TP63: variants seen among roughly 807,000 people sequenced by gnomAD.
TP63 encodes tumor protein p63.
In TP63, 17 loss-of-function variants were observed where a neutral mutation model predicts 82.8. The observed-to-expected ratio is 0.21, with a 90% confidence interval of 0.14 to 0.31. The LOEUF is 0.31. Among genes scored for constraint, TP63 ranks in the 10% least tolerant of loss-of-function variants. The pLI, the probability that TP63 is intolerant of heterozygous loss-of-function variation, is 1.00. For synonymous variants in TP63, 330 were observed against 321.7 expected (o/e 1.03, Z -0.28); for missense variants, 648 against 895.3 (o/e 0.72, Z 3.52).
At chr3:189,768,575 T>C (rs74754828) in intron 3 of TP63, among the ~76,000 whole-genome samples, 4,746 of 152,272 alleles carry the variant, frequency 0.031, 156 homozygotes, top group Non-Finnish European at 0.055. Flanking sequence ...GTCAACACAC[T>C]ATTATTAAAC....
the TP63 span, among the ~76,000 whole-genome samples, chr3:189,615,175 T>C: frequency 2.6e-5 from 4 of 152,346 alleles, no homozygotes; most frequent in East Asian, 1.9e-4. Flanking sequence ...TAACCTGGCT[T>C]CTGAATATGT....
intron 13 of TP63, among the ~76,000 whole-genome samples, chr3:189,893,079 A>C (rs747288410): frequency 6.6e-6 from 1 of 152,236 alleles, no homozygotes; most frequent in Non-Finnish European, 1.5e-5. Flanking sequence ...ACTTCCTGGA[A>C]AAGGAATGTG....
the TP63 span, among the ~76,000 whole-genome samples, chr3:189,598,401 T>A: frequency 1.3e-5 from 2 of 148,730 alleles, no homozygotes; most frequent in East Asian, 2.0e-4. Context: ...AGAAAGAGAG[T>A]GAAAGATAAA....
intron 3 of TP63, chr3:189,738,985 C>T (rs1180372028): frequency 6.2e-6 from 4 of 646,170 alleles, no homozygotes; most frequent in African/African-American, 5.5e-5. Context: ...TGTTTCCATC[C>T]GTGTGGGGAG....
chr3:189,772,966 C>T (rs994156143), intron 3 of TP63, among the ~76,000 whole-genome samples: 4 of 152,170 alleles, frequency 2.6e-5, no homozygotes, highest in Admixed American at 1.3e-4. Context: ...ATCAAGGTCC[C>T]TTAGTGTAAG....
chr3:189,679,884 A>C (rs1468048309), intron 1 of TP63, among the ~76,000 whole-genome samples: 1 of 152,050 alleles, frequency 6.6e-6, no homozygotes, highest in Non-Finnish European at 1.5e-5. Flanking sequence ...TCTGTTCCCT[A>C]TTGTATGTTC....
chr3:189,742,335 G>A (rs917739368), intron 3 of TP63, among the ~76,000 whole-genome samples: 6 of 150,024 alleles, frequency 4.0e-5, no homozygotes, highest in African/African-American at 9.8e-5. Flanking sequence ...ATGTCTTCAT[G>A]AGGTAGATAA....
chr3:189,691,625 C>T (rs1322046651), intron 1 of TP63, among the ~76,000 whole-genome samples: 1 of 152,064 alleles, frequency 6.6e-6, no homozygotes, highest in Non-Finnish European at 1.5e-5. Context: ...GGTTAAGAAA[C>T]GCTGCTTTAA....
intron 4 of TP63, among the ~76,000 whole-genome samples, chr3:189,844,869 A>G (rs1280584468): frequency 6.6e-6 from 1 of 152,070 alleles, no homozygotes; most frequent in Non-Finnish European, 1.5e-5. Flanking sequence ...ATTTTCATGT[A>G]TCTCATTTCT....
chr3:189,880,965 GAACTCATTTT>G, intron 10 of TP63: 4 of 985,286 alleles, frequency 4.1e-6, no homozygotes, highest in Non-Finnish European at 4.8e-6. Flanking sequence ...CATAGCAGGT[GAACTCATTTT>G]GTGCTTTTAA....
intron 4 of TP63, among the ~76,000 whole-genome samples, chr3:189,854,279 G>A (rs970917071): frequency 2.4e-4 from 36 of 152,162 alleles, no homozygotes; most frequent in African/African-American, 7.0e-4. Context: ...TGTCCAGGCC[G>A]GAGTGCAATG....
chr3:189,653,870 C>G (rs1490061059), intron 1 of TP63, among the ~76,000 whole-genome samples: 2 of 152,108 alleles, frequency 1.3e-5, no homozygotes, highest in African/African-American at 4.8e-5. Flanking sequence ...TAAATCTAAA[C>G]AGATTTCTTA....
At chr3:189,763,196 C>T (rs1722707125) in intron 3 of TP63, among the ~76,000 whole-genome samples, 1 of 152,060 alleles carries the variant, frequency 6.6e-6, no homozygotes, top group Non-Finnish European at 1.5e-5. Context: ...GTTGCTTGAG[C>T]CTGGGAGGTC....
the TP63 span, among the ~76,000 whole-genome samples, chr3:189,613,351 C>A: frequency 6.6e-6 from 1 of 152,196 alleles, no homozygotes; most frequent in South Asian, 2.1e-4. Flanking sequence ...AAGCCCCAAG[C>A]CTTGGCAGCT....
the TP63 span, among the ~76,000 whole-genome samples, chr3:189,602,627 G>A: frequency 1.3e-5 from 2 of 152,260 alleles, no homozygotes; most frequent in South Asian, 2.1e-4. Context: ...GCAGCCAGTC[G>A]TGCATCCGAG....
chr3:189,758,581 G>A (rs1185017651), intron 3 of TP63, among the ~76,000 whole-genome samples: 1 of 152,202 alleles, frequency 6.6e-6, no homozygotes, highest in Admixed American at 6.5e-5. Flanking sequence ...TCTTCCAAGT[G>A]TACTTTACTT....
At chr3:189,660,490 G>C (rs1303394697) in intron 1 of TP63, among the ~76,000 whole-genome samples, 1 of 151,972 alleles carries the variant, frequency 6.6e-6, no homozygotes, top group African/African-American at 2.4e-5. Context: ...TTAAAGTTGG[G>C]TAATGTGATG....
intron 4 of TP63, among the ~76,000 whole-genome samples, chr3:189,830,951 A>T (rs532159260): frequency 6.6e-6 from 1 of 152,246 alleles, no homozygotes; most frequent in Non-Finnish European, 1.5e-5. Context: ...GCAAATGTGT[A>T]AAATTATCTC....
chr3:189,842,926 C>T (rs2108746457), intron 4 of TP63, among the ~76,000 whole-genome samples: 1 of 152,286 alleles, frequency 6.6e-6, no homozygotes, highest in South Asian at 2.1e-4. Flanking sequence ...GTGGGGTTGA[C>T]AGAGGTGGCC....
Sources: gnomAD v4.1 joint callset for allele counts (sites outside exome capture counted in the v4.1 genomes callset) on GRCh38, gnomAD v4.1.1 for gene constraint, MANE v1.5 for transcripts, NCBI Gene and HGNC (gene_info 2026-07-23, HGNC 2026-07-21) for gene names.